Variants in RGS7 observed in about 807,000 individuals in gnomAD.
RGS7 encodes the protein regulator of G-protein signaling 7.
RGS7 carries 27 observed loss-of-function variants against 81.1 expected under a neutral mutation model. The observed-to-expected ratio is 0.33, with a 90% CI of 0.25 to 0.46. The LOEUF (loss-of-function observed/expected upper bound fraction) is 0.46. Among genes scored for constraint, RGS7 ranks in the 20% least tolerant of loss-of-function variants. The probability of loss-of-function intolerance (pLI) is 1.00; values close to 1 mark genes in which losing one functional copy is unlikely to be tolerated. For synonymous variants in RGS7, 208 were observed against 207.7 expected (o/e 1.00, Z -0.01); for missense variants, 396 against 607.4 (o/e 0.65, Z 3.66).
intron 4 of RGS7, among the ~76,000 whole-genome samples, chr1:240,957,837 AT>A (rs963055467): frequency 7.9e-5 from 12 of 152,190 alleles, no homozygotes; most frequent in Non-Finnish European, 1.3e-4. Context: ...CTAAAATAAG[AT>A]TTTTTAAGAG....
chr1:241,190,663 T>A (rs2072571813), intron 2 of RGS7, among the ~76,000 whole-genome samples: 1 of 152,238 alleles, frequency 6.6e-6, no homozygotes, highest in African/African-American at 2.4e-5. Flanking sequence ...TGTATGTTTA[T>A]CTTCTATCTT....
At chr1:240,784,411 C>T (rs568159932) in intron 18 of RGS7, among the ~76,000 whole-genome samples, 4 of 151,600 alleles carry the variant, frequency 2.6e-5, no homozygotes, top group South Asian at 4.2e-4. Flanking sequence ...GAGGTAGAGG[C>T]GGGCAGATCA....
intron 4 of RGS7, among the ~76,000 whole-genome samples, chr1:240,961,642 T>C (rs933431969): frequency 2.0e-5 from 3 of 152,132 alleles, no homozygotes; most frequent in Admixed American, 1.3e-4. Context: ...AGGTCTACAA[T>C]GGCAATGCGC....
In RGS7 at chr1:241,136,731, T is replaced by C. The variant is rs138996891; in HGVS notation, c.79-37969A>G. On this transcript the variant is annotated intron_variant, in intron 2 of 18. Transcript: ENST00000440928. The stretch of plus-strand genomic sequence containing the variant: ...TTTTCAGTTCTTTTGGACACTGCCT[T>C]AGTTCAGCTCAAGTGCATTTGTGAT... Among the ~76,000 whole-genome samples, 4 of 152,178 alleles carry C rather than the reference T, an allele frequency of 2.6e-5. No individual in the cohort carries two copies. In the East Asian group the frequency reaches 7.8e-4, roughly 30 times the overall value.
In RGS7 at chr1:241,126,809, A is replaced by ATT. The variant is rs55818497; in HGVS notation, c.79-28049_79-28048dup. On this transcript the variant is annotated intron_variant, in intron 2 of 18. Transcript: ENST00000440928. ...TTCTTTATTTAGCAACCTTAAGTTG[A>ATT]TTTTTTTTTTTTTTGGTCTAGGTGA... Among the ~76,000 whole-genome samples the ATT allele has an allele frequency of 2.3e-3, 328 of 145,570 alleles. 2 individuals carry two copies. Among genetic ancestry groups the ATT allele is most frequent in the Non-Finnish European group, 3.4e-3 (223 of 65,958 alleles).
intron 3 of RGS7, among the ~76,000 whole-genome samples, chr1:240,986,950 C>G (rs1010819168): frequency 1.3e-5 from 2 of 152,176 alleles, no homozygotes; most frequent in African/African-American, 4.8e-5. Flanking sequence ...TTCACCCATG[C>G]CACGGATCTG....
chr1:240,809,086 A>T (rs931770707), intron 14 of RGS7, among the ~76,000 whole-genome samples: 1 of 152,168 alleles, frequency 6.6e-6, no homozygotes, highest in East Asian at 1.9e-4. Context: ...TATAGAAGGC[A>T]CTGAAAAGTA....
chr1:241,017,270 C>T (rs1013038938), intron 3 of RGS7, among the ~76,000 whole-genome samples: 9 of 151,694 alleles, frequency 5.9e-5, no homozygotes, highest in Non-Finnish European at 1.3e-4. Context: ...GGTGAAACCC[C>T]GTCTCTACTA....
At chr1:241,238,967 T>TCTCA (rs1553295997) in intron 2 of RGS7, among the ~76,000 whole-genome samples, 1 of 14,004 alleles carries the variant, frequency 7.1e-5, no homozygotes, top group African/African-American at 1.1e-4. Flanking sequence ...CCTCTCTCTC[T>TCTCA]TTTTTTTTTT....
intron 2 of RGS7, among the ~76,000 whole-genome samples, chr1:241,339,167 C>T (rs2082398796): frequency 1.3e-5 from 2 of 152,146 alleles, no homozygotes. Context: ...TGTTAGTCTG[C>T]TGAGATTGAT....
intron 6 of RGS7, among the ~76,000 whole-genome samples, chr1:240,921,204 G>C (rs1314282265): frequency 6.6e-6 from 1 of 152,140 alleles, no homozygotes; most frequent in Non-Finnish European, 1.5e-5. Context: ...TTATAAAAAT[G>C]AGTGTTGGCA....
chr1:241,262,875 T>C (rs966262382), intron 2 of RGS7, among the ~76,000 whole-genome samples: 1 of 151,842 alleles, frequency 6.6e-6, no homozygotes, highest in Non-Finnish European at 1.5e-5. Flanking sequence ...CCGAGGCGGG[T>C]GGATCACGAG....
intron 5 of RGS7, among the ~76,000 whole-genome samples, chr1:240,935,875 C>A (rs1448484634): frequency 6.6e-6 from 1 of 152,186 alleles, no homozygotes; most frequent in Non-Finnish European, 1.5e-5. Flanking sequence ...TGACATCCAG[C>A]ATTTTATGTG....
chr1:241,165,048 T>C (rs1214559807), intron 2 of RGS7, among the ~76,000 whole-genome samples: 2 of 152,312 alleles, frequency 1.3e-5, no homozygotes, highest in East Asian at 3.9e-4. Flanking sequence ...TTCTCATCAT[T>C]TGATGAACTT....
chr1:241,136,674 A>T (rs1379596545), intron 2 of RGS7, among the ~76,000 whole-genome samples: 1 of 152,196 alleles, frequency 6.6e-6, no homozygotes, highest in Non-Finnish European at 1.5e-5. Flanking sequence ...AGAACAAAGA[A>T]GATTACGTGT....
chr1:241,263,147 T>G (rs1194501380), intron 2 of RGS7, among the ~76,000 whole-genome samples: 1 of 151,104 alleles, frequency 6.6e-6, no homozygotes, highest in East Asian at 1.9e-4. Flanking sequence ...CATGGTGGCA[T>G]GTACCTGTAA....
intron 3 of RGS7, among the ~76,000 whole-genome samples, chr1:241,036,992 G>A (rs551887481): frequency 6.6e-6 from 1 of 152,216 alleles, no homozygotes; most frequent in Admixed American, 6.5e-5. Flanking sequence ...CAACCTGGAA[G>A]AGAACTGACT....
intron 4 of RGS7, among the ~76,000 whole-genome samples, chr1:240,940,075 A>G (rs907868475): frequency 3.3e-5 from 5 of 151,962 alleles, no homozygotes; most frequent in African/African-American, 9.7e-5. Flanking sequence ...ACAACACTCT[A>G]TCTCAAAAAA....
At chr1:240,931,037 A>C (rs1479500839) in intron 5 of RGS7, among the ~76,000 whole-genome samples, 1 of 152,226 alleles carries the variant, frequency 6.6e-6, no homozygotes, top group Non-Finnish European at 1.5e-5. Context: ...AACTGACATA[A>C]AGGCAAAAAG....
Sources: gnomAD v4.1 joint callset for allele counts (sites outside exome capture counted in the v4.1 genomes callset) on GRCh38, gnomAD v4.1.1 for gene constraint, MANE v1.5 for transcripts, NCBI Gene and HGNC (gene_info 2026-07-23, HGNC 2026-07-21) for gene names.